Variants in NBPF12 observed in about 807,000 individuals in gnomAD.
The protein encoded by NBPF12 is NBPF family member NBPF12.
In NBPF12, 115 loss-of-function variants were observed where a neutral mutation model predicts 146.4. The observed-to-expected ratio is 0.79, with a 90% confidence interval of 0.68 to 0.92. NBPF12 has a LOEUF of 0.92. Among genes scored for constraint, NBPF12 ranks in the 40% least tolerant of loss-of-function variants. NBPF12 has a pLI of 0.00. For missense variants in NBPF12, 1,205 were observed against 1,326.8 expected (o/e 0.91, Z 1.43); for synonymous variants, 385 against 508.9 (o/e 0.76, Z 3.28).
chr1:146,939,485 G>T (rs1186714848), intron 1 of NBPF12, among the ~76,000 whole-genome samples: 1 of 151,994 alleles, frequency 6.6e-6, no homozygotes, highest in Non-Finnish European at 1.5e-5. Flanking sequence ...AGCGTTTGTA[G>T]CGATCACTGA....
At chr1:146,981,338 G>A in intron 19 of NBPF12, among the ~76,000 whole-genome samples, 1 of 132,456 alleles carries the variant, frequency 7.5e-6, no homozygotes, top group South Asian at 2.4e-4. Context: ...AAATAATAAA[G>A]GAAAACTATA....
intron 2 of NBPF12, among the ~76,000 whole-genome samples, chr1:146,954,857 G>T (rs1381032401): frequency 7.0e-6 from 1 of 141,894 alleles, no homozygotes; most frequent in Non-Finnish European, 1.5e-5. Context: ...TTGATTCTTA[G>T]GACATATATA....
At chr1:146,963,611 A>C (rs1162370081) in intron 6 of NBPF12, among the ~76,000 whole-genome samples, 1 of 151,874 alleles carries the variant, frequency 6.6e-6, no homozygotes, top group Non-Finnish European at 1.5e-5. Flanking sequence ...GTTGGAGTGA[A>C]AAGAGCTCTG....
At chr1:146,953,899 A>G (rs1182151669) in intron 2 of NBPF12, among the ~76,000 whole-genome samples, 2 of 151,894 alleles carry the variant, frequency 1.3e-5, no homozygotes, top group Non-Finnish European at 2.9e-5. Flanking sequence ...TTCACAGATA[A>G]TGACTGTGTT....
At chr1:146,973,354 C>T (rs1240967936) in intron 14 of NBPF12, among the ~76,000 whole-genome samples, 1 of 151,766 alleles carries the variant, frequency 6.6e-6, no homozygotes, top group Non-Finnish European at 1.5e-5. Flanking sequence ...GTTCAAGTTT[C>T]TGTTGAGGCC....
intron 13 of NBPF12, among the ~76,000 whole-genome samples, chr1:146,972,096 A>G (rs1444724290): frequency 6.8e-6 from 1 of 147,166 alleles, no homozygotes; most frequent in Admixed American, 6.7e-5. Flanking sequence ...TAAAAAAAAA[A>G]AAAAAAAGTA....
In NBPF12 at chr1:146,977,865, C is replaced by T. The variant is rs1281654145; in HGVS notation, c.2398+194C>T. Among the ~76,000 whole-genome samples the T allele has an allele frequency of 2.0e-5, 3 of 152,064 alleles. 1 individual carries two copies. The highest frequency in any genetic ancestry group is 1.9e-4 in the East Asian group (1 of 5,198). On this transcript the variant is annotated intron_variant, in intron 18 of 33. Transcript: ENST00000617844. ...TGCCAGTCCCCAGTATCAAGTTACT[C>T]GACCCCAGGCAAGTGTGACAATCTC...
intron 2 of NBPF12, 62 bp downstream of exon 2, chr1:146,943,624 C>G: frequency 1.1e-6 from 1 of 930,730 alleles, no homozygotes; most frequent in Non-Finnish European, 1.4e-6. Context: ...TATTATGACT[C>G]AGATGTGAAG....
intron 6 of NBPF12, among the ~76,000 whole-genome samples, chr1:146,964,133 T>G (rs1656037946): frequency 2.1e-5 from 3 of 146,104 alleles, no homozygotes; most frequent in Admixed American, 6.8e-5. Context: ...GCAAAAGGTC[T>G]TTTCAGTATT....
chr1:146,963,665 T>C (rs1656008942), intron 6 of NBPF12, among the ~76,000 whole-genome samples: 1 of 151,920 alleles, frequency 6.6e-6, no homozygotes, highest in Non-Finnish European at 1.5e-5. Flanking sequence ...GGCAATGTTC[T>C]TAGTGTCGGT....
chr1:146,948,673 C>G (rs1259061152), upstream of NBPF12, among the ~76,000 whole-genome samples: 2 of 152,022 alleles, frequency 1.3e-5, no homozygotes, highest in Non-Finnish European at 2.9e-5. Context: ...ATGTGATAGT[C>G]TGAAATACAG....
At chr1:146,969,992 TTC>T (rs1183225174) in intron 11 of NBPF12, among the ~76,000 whole-genome samples, 2 of 150,168 alleles carry the variant, frequency 1.3e-5, no homozygotes, top group Non-Finnish European at 2.9e-5. Flanking sequence ...TTTCCAGAGT[TTC>T]TCTCTCTCCA....
chr1:146,965,626 C>CA (rs1271486549), intron 8 of NBPF12, among the ~76,000 whole-genome samples: 6,179 of 117,916 alleles, frequency 0.052, 191 homozygotes, highest in Non-Finnish European at 0.063. Context: ...ACTAAAAATA[C>CA]AAAAAAAAAA....
intron 11 of NBPF12, among the ~76,000 whole-genome samples, chr1:146,970,443 C>T (rs1416662422): frequency 6.6e-6 from 1 of 150,994 alleles, no homozygotes; most frequent in Non-Finnish European, 1.5e-5. Context: ...TTGGCCACAT[C>T]TTGATGGTGG....
At chr1:146,947,911 GC>G (rs1485825585), upstream of NBPF12, among the ~76,000 whole-genome samples, 1 of 151,892 alleles carries the variant, frequency 6.6e-6, no homozygotes, top group Non-Finnish European at 1.5e-5. Flanking sequence ...TGTCTGGTGA[GC>G]ACAAGAAAAG....
At chr1:146,962,252 T>A in exon 5 of NBPF12, 1 of 1,605,030 alleles carries the variant, frequency 6.2e-7, no homozygotes, top group Non-Finnish European at 8.5e-7. Context: ...TGAAACAAGC[T>A]GAGGAGCTCA....
At chr1:146,960,810 G>A (rs1655799580) in intron 4 of NBPF12, among the ~76,000 whole-genome samples, 1 of 152,048 alleles carries the variant, frequency 6.6e-6, no homozygotes, top group South Asian at 2.1e-4. Context: ...AGAGGAGTCT[G>A]CTCCTAATAG....
chr1:146,961,073 C>T (rs1386661422), intron 4 of NBPF12, among the ~76,000 whole-genome samples: 1 of 152,064 alleles, frequency 6.6e-6, no homozygotes, highest in African/African-American at 2.4e-5. Flanking sequence ...TTGAACCCAG[C>T]AGGCAGGTGT....
At chr1:146,971,290 A>G in exon 13 of NBPF12, 1 of 1,612,412 alleles carries the variant, frequency 6.2e-7, no homozygotes, top group Non-Finnish European at 8.5e-7. Flanking sequence ...CAGCCTCACA[A>G]GAACATCAAA....
Sources: gnomAD v4.1 joint callset for allele counts (sites outside exome capture counted in the v4.1 genomes callset) on GRCh38, gnomAD v4.1.1 for gene constraint, MANE v1.5 for transcripts, NCBI Gene and HGNC (gene_info 2026-07-23, HGNC 2026-07-21) for gene names.